RASGRF2: variants seen among roughly 807,000 people sequenced by gnomAD.
RASGRF2 encodes ras-specific guanine nucleotide-releasing factor 2.
In RASGRF2, 76 loss-of-function variants were observed where a neutral mutation model predicts 151.0. That is an observed-to-expected ratio of 0.50 (90% CI 0.42 to 0.61). The LOEUF (loss-of-function observed/expected upper bound fraction) is 0.61, where lower values mean the gene tolerates loss of function less well. Ranked by LOEUF, RASGRF2 falls within the 20% of genes least tolerant of loss-of-function variation. RASGRF2 has a pLI of 0.00. For synonymous variants in RASGRF2, 504 were observed against 566.5 expected, an observed-to-expected ratio of 0.89 and a Z score of 1.57; for missense variants, 1,148 against 1,564.6, an observed-to-expected ratio of 0.73 and a Z score of 4.49.
chr5:81,215,746 C>T, intron 23 of RASGRF2, 130 bp from the exon 24 acceptor site: 2 of 1,168,138 alleles, frequency 1.7e-6, no homozygotes, highest in Non-Finnish European at 2.2e-6. Context: ...TCCTATCACA[C>T]AATGACCTTT....
At chr5:81,093,963 A>G (rs1473793394) in intron 10 of RASGRF2, among the ~76,000 whole-genome samples, 2 of 152,136 alleles carry the variant, frequency 1.3e-5, no homozygotes, top group Non-Finnish European at 2.9e-5. Flanking sequence ...CTACTGCTTA[A>G]GCCACTTCCT....
intron 16 of RASGRF2, among the ~76,000 whole-genome samples, chr5:81,125,140 G>A (rs1476707737): frequency 6.6e-6 from 1 of 152,158 alleles, no homozygotes; most frequent in Non-Finnish European, 1.5e-5. Flanking sequence ...ACCCTCCTCA[G>A]CCTCTCAAAG....
At chr5:81,087,102 C>A in intron 9 of RASGRF2, 149 bp downstream of exon 9, 3 of 752,470 alleles carry the variant, frequency 4.0e-6, no homozygotes, top group South Asian at 1.5e-5. Flanking sequence ...GTGGTTGAGG[C>A]CCACCTTTGT....
At chr5:81,185,921 T>G (rs1755015863) in intron 18 of RASGRF2, among the ~76,000 whole-genome samples, 1 of 152,160 alleles carries the variant, frequency 6.6e-6, no homozygotes, top group East Asian at 1.9e-4. Context: ...GAACTCCATG[T>G]CAGGTGGGGA....
intron 17 of RASGRF2, among the ~76,000 whole-genome samples, chr5:81,146,546 C>T (rs1426413853): frequency 6.6e-6 from 1 of 152,036 alleles, no homozygotes; most frequent in Non-Finnish European, 1.5e-5. Context: ...TCTGTATTCA[C>T]TATATACTTA....
chr5:81,047,303 A>G (rs562253117), intron 2 of RASGRF2, among the ~76,000 whole-genome samples: 45 of 152,314 alleles, frequency 3.0e-4, no homozygotes, highest in Non-Finnish European at 2.6e-4. Context: ...TAGAGAAGTA[A>G]GGTGTATCCT....
rs1164078873 is a variant in RASGRF2 at position 81,020,129 on chromosome 5, T to C, written c.289-22748T>C. ...ATTGATGCCAATAAGACCCAGACCTTTGCATTTCCTAGAGGTATTGATTTT... is the reference window on the plus strand; with the variant it reads ...ATTGATGCCAATAAGACCCAGACCTCTGCATTTCCTAGAGGTATTGATTTT... On this transcript the variant is annotated intron_variant, in intron 1 of 26. Coordinates refer to ENST00000265080, the MANE Select transcript of RASGRF2 (RefSeq NM_006909.3). Among the ~76,000 whole-genome samples the C allele has an allele frequency of 3.3e-5, 5 of 152,192 alleles. No individual in the cohort carries two copies. The East Asian group carries it at 9.6e-4, about 29-fold the overall frequency.
intron 1 of RASGRF2, among the ~76,000 whole-genome samples, chr5:81,004,784 G>C (rs1749210108): frequency 6.6e-6 from 1 of 152,158 alleles, no homozygotes; most frequent in South Asian, 2.1e-4. Context: ...ACAACCAAAT[G>C]CAGTGCAGCA....
At chr5:81,164,300 A>G (rs1006781454) in intron 17 of RASGRF2, among the ~76,000 whole-genome samples, 2 of 152,196 alleles carry the variant, frequency 1.3e-5, no homozygotes, top group African/African-American at 4.8e-5. Context: ...AGCAACCTGC[A>G]CATTCACTCC....
At chr5:81,044,685 A>G (rs1750781863) in intron 2 of RASGRF2, among the ~76,000 whole-genome samples, 1 of 152,200 alleles carries the variant, frequency 6.6e-6, no homozygotes, top group Non-Finnish European at 1.5e-5. Flanking sequence ...AATTTGTGAC[A>G]GGCATATTGG....
intron 17 of RASGRF2, among the ~76,000 whole-genome samples, chr5:81,138,252 C>T (rs1349120479): frequency 6.6e-6 from 1 of 152,102 alleles, no homozygotes; most frequent in Non-Finnish European, 1.5e-5. Context: ...CCCTTACAAA[C>T]GTTTCTCCAG....
At chr5:80,974,457 C>T (rs747449924) in intron 1 of RASGRF2, among the ~76,000 whole-genome samples, 7 of 152,250 alleles carry the variant, frequency 4.6e-5, no homozygotes, top group Non-Finnish European at 7.3e-5. Flanking sequence ...GCCAAACCAT[C>T]GGTGAACTAG....
chr5:81,223,575 A>C, intron 26 of RASGRF2: 1 of 152,020 alleles, frequency 6.6e-6, no homozygotes, highest in Non-Finnish European at 1.5e-5. Context: ...CGGGAGGCGG[A>C]GCTTGCAGTG....
intron 2 of RASGRF2, among the ~76,000 whole-genome samples, chr5:81,048,758 T>A (rs949386742): frequency 2.0e-5 from 3 of 152,232 alleles, no homozygotes; most frequent in Non-Finnish European, 4.4e-5. Context: ...CTCTCTGATT[T>A]CTTGCTCCAT....
At chr5:81,119,815 C>T (rs756961580) in intron 15 of RASGRF2, among the ~76,000 whole-genome samples, 2 of 152,240 alleles carry the variant, frequency 1.3e-5, no homozygotes, top group African/African-American at 2.4e-5. Flanking sequence ...GCCTCTGCTT[C>T]TCACTGGATT....
At chr5:81,043,074 ACT>A in intron 2 of RASGRF2, 91 bp downstream of exon 2, 2 of 936,820 alleles carry the variant, frequency 2.1e-6, no homozygotes, top group Non-Finnish European at 3.3e-6. Flanking sequence ...AGAACTTGCA[ACT>A]CTAAGATGAG....
chr5:81,013,325 C>T (rs963429061), intron 1 of RASGRF2, among the ~76,000 whole-genome samples: 3 of 152,192 alleles, frequency 2.0e-5, no homozygotes, highest in Non-Finnish European at 4.4e-5. Flanking sequence ...AGGACATCCT[C>T]TCTGCGATTC....
chr5:80,972,087 A>G (rs1270285856), intron 1 of RASGRF2, among the ~76,000 whole-genome samples: 1 of 152,058 alleles, frequency 6.6e-6, no homozygotes, highest in African/African-American at 2.4e-5. Context: ...AGATTTCTTT[A>G]TTCTGCATTT....
At chr5:81,124,015 C>T (rs532237279) in intron 16 of RASGRF2, among the ~76,000 whole-genome samples, 5 of 152,240 alleles carry the variant, frequency 3.3e-5, no homozygotes, top group African/African-American at 1.2e-4. Flanking sequence ...CTGTACTGAC[C>T]ATGTACATAC....
Sources: allele counts gnomAD v4.1 joint callset (sites outside exome capture counted in the v4.1 genomes callset), GRCh38; gene constraint gnomAD v4.1.1; transcripts MANE v1.5; gene names NCBI Gene and HGNC (gene_info 2026-07-23, HGNC 2026-07-21).